KLF16: variants seen among roughly 807,000 people sequenced by gnomAD.
KLF16 encodes KLF transcription factor 16.
Under a neutral mutation model 6.1 loss-of-function variants are expected in KLF16, and 6 were observed. That is an observed-to-expected ratio of 0.98 (90% CI 0.54 to 1.93). The LOEUF (loss-of-function observed/expected upper bound fraction) is 1.93, where lower values mean the gene tolerates loss of function less well. KLF16 is among the 30% of genes most tolerant of loss of function. The pLI is 0.01. For missense variants in KLF16, 355 were observed against 363.8 expected (o/e 0.98, Z 0.20); for synonymous variants, 211 against 176.5 (o/e 1.20, Z -1.55).
rs1201245942 is a variant in KLF16, at chr19:1,853,010, C to A, written c.*1449G>T. 6.6e-6 allele frequency: 1 copy of A among 152,288 alleles called. No homozygotes were observed. Among genetic ancestry groups the A allele is most frequent in the African/African-American group, 2.4e-5 (1 of 41,428 alleles). 9.4% of individuals were successfully genotyped at this position (152,288 alleles called of 1,614,324 possible). ...GGGGGTACCAAAAACCTCCTGCAGCCAACAGTGGGGGGATCCACCTTTCTG... is the reference window on the plus strand; with the variant it reads ...GGGGGTACCAAAAACCTCCTGCAGCAAACAGTGGGGGGATCCACCTTTCTG... On this transcript the variant is annotated 3_prime_UTR_variant, in exon 2 of 2. Coordinates refer to ENST00000250916, the MANE Select transcript of KLF16 (RefSeq NM_031918.4).
At chr19:1,874,553 G>A in the KLF16 span, among the ~76,000 whole-genome samples, 2 of 151,406 alleles carry the variant, frequency 1.3e-5, no homozygotes, top group South Asian at 2.1e-4. Context: ...TCTTACAGCG[G>A]AGAAGATATT....
intron 1 of KLF16, among the ~76,000 whole-genome samples, chr19:1,855,787 C>G (rs1196976090): frequency 6.6e-6 from 1 of 152,228 alleles, no homozygotes; most frequent in Non-Finnish European, 1.5e-5. Flanking sequence ...GGGACCGAAG[C>G]AGGACAAAGG....
At position 1,854,439 on chromosome 19, in the gene KLF16, G is replaced by T; in HGVS notation, c.*20C>A. 7.2e-7 allele frequency: 1 copy of T among 1,394,872 alleles called. No individual in the cohort carries two copies. The allele number at this position is 1,394,872 out of a possible 1,614,324, so 86.4% of individuals were successfully genotyped here. On this transcript the variant is annotated 3_prime_UTR_variant, in exon 2 of 2. Coordinates refer to ENST00000250916, the MANE Select transcript of KLF16 (RefSeq NM_031918.4). ...GATGGCAGAAGCATCCTGGCGGTCA[G>T]GGTGGGCTGCACGAGGGCCCTACAG...
At chr19:1,861,275 C>T (rs904981306) in intron 1 of KLF16, among the ~76,000 whole-genome samples, 5 of 152,182 alleles carry the variant, frequency 3.3e-5, no homozygotes, top group Admixed American at 2.6e-4. Context: ...ATGGAGCTCT[C>T]AGGCCACGCC....
intron 1 of KLF16, among the ~76,000 whole-genome samples, chr19:1,862,521 T>A (rs1483694685): frequency 6.7e-6 from 1 of 148,404 alleles, no homozygotes; most frequent in Non-Finnish European, 1.5e-5. Flanking sequence ...CGTGCCGGGC[T>A]CCCCCCATCC....
In KLF16 at chr19:1,863,151, G is replaced by A. The variant is rs1459635427; in HGVS notation, c.347C>T (p.Pro116Leu). The change falls in exon 1 of 2, where the codon CCC becomes CTC. Residue 116 changes from proline to leucine, a missense_variant. By Grantham distance (98) the Pro-to-Leu change is moderately conservative. Coordinates refer to ENST00000250916, the MANE Select transcript of KLF16 (RefSeq NM_031918.4). The part of the protein sequence containing the change: ...AASSPSSGRA[P>L]GAAPSAAAKS... ...GGCGGCGGCGGAGGGCGCGGCGCCG[G>A]GGGCGCGGCCCGAGGACGGGGACGA... The A allele has an allele frequency of 2.3e-6, 3 of 1,313,216 alleles. No homozygotes were observed. Among genetic ancestry groups the A allele is most frequent in the South Asian group, 1.7e-5 (1 of 57,558 alleles). The allele number at this position is 1,313,216 out of a possible 1,614,324, so 81.3% of individuals were successfully genotyped here.
At chr19:1,867,927 CGTGTGT>C (rs71174389), upstream of KLF16, among the ~76,000 whole-genome samples, 2,042 of 147,930 alleles carry the variant, frequency 0.014, 20 homozygotes, top group South Asian at 0.045. Context: ...TATGTAAGGA[CGTGTGT>C]GTGTGTGTGT....
Position 1,858,961 on chromosome 19 carries a change from C to T in KLF16, c.457+4080G>A, listed in dbSNP as rs76021839. Among the ~76,000 whole-genome samples, 177 of 152,234 alleles carry T rather than the reference C, an allele frequency of 1.2e-3. 1 individual carries two copies. Among genetic ancestry groups the T allele is most frequent in the African/African-American group, 4.2e-3 (174 of 41,552 alleles). On this transcript the variant is annotated intron_variant, in intron 1 of 1. Coordinates refer to ENST00000250916, the MANE Select transcript of KLF16 (RefSeq NM_031918.4). ...TGGGGGTGGTTATCGCCCCCCACAA[C>T]CCTGGGGGAGCCCTCCCCATCCCAC... is the stretch of plus-strand genomic sequence containing the variant.
At chr19:1,868,461 C>CTTTTTTTTT (rs762308559), upstream of KLF16, among the ~76,000 whole-genome samples, 2 of 110,072 alleles carry the variant, frequency 1.8e-5, no homozygotes, top group African/African-American at 3.3e-5. Flanking sequence ...CAGATTAGGG[C>CTTTTTTTTT]TTTTTTTTTT....
the KLF16 span, among the ~76,000 whole-genome samples, chr19:1,870,134 A>G: frequency 6.9e-6 from 1 of 145,346 alleles, no homozygotes; most frequent in Admixed American, 6.9e-5. Flanking sequence ...GTTTCTCCAC[A>G]TTGGCCAGGC....
At chr19:1,872,576 C>A in the KLF16 span, among the ~76,000 whole-genome samples, 1 of 152,194 alleles carries the variant, frequency 6.6e-6, no homozygotes, top group African/African-American at 2.4e-5. Flanking sequence ...ACACACACTG[C>A]CTGTTCTGAG....
intron 1 of KLF16, among the ~76,000 whole-genome samples, chr19:1,856,934 A>G (rs2011961781): frequency 1.1e-5 from 1 of 88,346 alleles, no homozygotes; most frequent in Non-Finnish European, 2.0e-5. Flanking sequence ...CCACTTTGCA[A>G]GGAGGAGCAG....
Position 1,863,479 on chromosome 19 carries a change from A to C in KLF16, c.19T>G (p.Cys7Gly). The C allele has an allele frequency of 9.7e-7, 1 of 1,028,390 alleles. No individual in the cohort carries two copies. The highest frequency in any genetic ancestry group is 3.0e-5 in the South Asian group (1 of 33,460). 63.7% of individuals were successfully genotyped at this position (1,028,390 alleles called of 1,614,324 possible). The part of the protein sequence containing the change: MSAAVA[C>G]VDYFAADVLM... ...ACGTCGGCGGCGAAGTAATCCACGC[A>C]CGCCACGGCCGCCGACATGCCGAGC... is the stretch of plus-strand genomic sequence containing the variant. Residue 7 changes from cysteine to glycine, a missense_variant, in exon 1 of 2, where the codon TGC becomes GGC. Transcript: ENST00000250916.
Position 1,853,925 on chromosome 19 carries a change from G to A in KLF16, c.*534C>T, listed in dbSNP as rs368895212. ...GACACCTGAGATTGAGTACCCGAAT[G>A]GGGGGTGGCTGGGCTGCACCCCCAT... On this transcript the variant is annotated 3_prime_UTR_variant, in exon 2 of 2. Coordinates refer to ENST00000250916, the MANE Select transcript of KLF16 (RefSeq NM_031918.4). 2 of 153,058 alleles carry A rather than the reference G, an allele frequency of 1.3e-5. No homozygotes were observed. Among genetic ancestry groups the A allele is most frequent in the East Asian group, 3.9e-4 (2 of 5,166 alleles). The allele number at this position is 153,058 out of a possible 1,614,324, so 9.5% of individuals were successfully genotyped here.
Position 1,854,222 on chromosome 19 carries a change from A to T in KLF16, c.*237T>A. 2.2e-6 allele frequency: 1 copy of T among 459,568 alleles called. No homozygotes were observed. Among genetic ancestry groups the T allele is most frequent in the Non-Finnish European group, 3.6e-6 (1 of 274,398 alleles). 28.5% of individuals were successfully genotyped at this position (459,568 alleles called of 1,614,324 possible). On this transcript the variant is annotated 3_prime_UTR_variant, in exon 2 of 2. Coordinates refer to ENST00000250916, the MANE Select transcript of KLF16 (RefSeq NM_031918.4). ...GGGGCCCCGTTGCACAGATGGGAAG[A>T]AAGTTAGTATCATGGCTATTTACAG...
chr19:1,859,216 G>A (rs562191946), intron 1 of KLF16, among the ~76,000 whole-genome samples: 3 of 152,094 alleles, frequency 2.0e-5, no homozygotes, highest in African/African-American at 4.8e-5. Context: ...GTGGAGGAGA[G>A]AATGAAGTGG....
chr19:1,868,468 T>A (rs879838809), upstream of KLF16, among the ~76,000 whole-genome samples: 31,500 of 63,142 alleles, frequency 0.5, 5,537 homozygotes, highest in African/African-American at 0.58. Context: ...GGGCTTTTTT[T>A]TTTTTTTTTT....
At chr19:1,856,758 C>T (rs565587124) in intron 1 of KLF16, among the ~76,000 whole-genome samples, 1 of 152,326 alleles carries the variant, frequency 6.6e-6, no homozygotes, top group African/African-American at 2.4e-5. Context: ...GATTGGGGCT[C>T]GCGCCCCTCC....
At chr19:1,864,509 G>C (rs963408000), upstream of KLF16, among the ~76,000 whole-genome samples, 2 of 152,134 alleles carry the variant, frequency 1.3e-5, no homozygotes, top group Admixed American at 6.5e-5. Flanking sequence ...CGCCCCACTG[G>C]GGGTGGGGAG....
Sources: allele counts gnomAD v4.1 joint callset (sites outside exome capture counted in the v4.1 genomes callset), GRCh38; gene constraint gnomAD v4.1.1; transcripts MANE v1.5; gene names NCBI Gene and HGNC (gene_info 2026-07-23, HGNC 2026-07-21).